The following BACH2 variants were observed in gnomAD, a reference collection of about 807,000 sequenced individuals.
The protein encoded by BACH2 is BACH transcriptional regulator 2.
A neutral mutation model predicts 61.8 loss-of-function variants in BACH2; 5 were observed. That is an observed-to-expected ratio of 0.08 (90% CI 0.04 to 0.17). The LOEUF is 0.17. Ranked by LOEUF, BACH2 falls within the 10% of genes least tolerant of loss-of-function variation. The pLI, the probability that BACH2 is intolerant of heterozygous loss-of-function variation, is 1.00. For missense variants in BACH2, 824 were observed against 1,091.1 expected, an observed-to-expected ratio of 0.76 and a Z score of 3.45; for synonymous variants, 446 against 440.1, an observed-to-expected ratio of 1.01 and a Z score of -0.17.
At chr6:90,194,000 C>T (rs894912572) in intron 4 of BACH2, among the ~76,000 whole-genome samples, 15 of 152,078 alleles carry the variant, frequency 9.9e-5, no homozygotes, top group Non-Finnish European at 2.2e-4. Flanking sequence ...AGAATTTCCT[C>T]AAGAATATTA....
At chr6:90,218,312 G>A (rs186652701) in intron 3 of BACH2, 72 of 152,246 alleles carry the variant, frequency 4.7e-4, no homozygotes, top group African/African-American at 1.5e-3. Flanking sequence ...GAGGCAAGCT[G>A]CTGGAGGCGC....
intron 4 of BACH2, among the ~76,000 whole-genome samples, chr6:90,125,583 G>T (rs2127821366): frequency 6.6e-6 from 1 of 152,300 alleles, no homozygotes; most frequent in East Asian, 1.9e-4. Context: ...CCTTTTCACT[G>T]GGTGTAAAAC....
intron 4 of BACH2, among the ~76,000 whole-genome samples, chr6:90,159,416 T>C (rs1785111565): frequency 6.6e-6 from 1 of 152,190 alleles, no homozygotes; most frequent in Non-Finnish European, 1.5e-5. Context: ...CAAAACATCC[T>C]AAAAGTAAAA....
At chr6:90,047,442 C>T (rs1346658941) in intron 5 of BACH2, among the ~76,000 whole-genome samples, 5 of 152,190 alleles carry the variant, frequency 3.3e-5, no homozygotes, top group East Asian at 3.9e-4. Context: ...AAATGCTTCT[C>T]CACAGATGCC....
chr6:90,175,085 G>A (rs1767943034), intron 4 of BACH2, among the ~76,000 whole-genome samples: 1 of 152,006 alleles, frequency 6.6e-6, no homozygotes, highest in South Asian at 2.1e-4. Flanking sequence ...ATCCTTTAAA[G>A]TGTATCTACA....
chr6:90,162,682 C>T (rs1306353363), intron 4 of BACH2, among the ~76,000 whole-genome samples: 1 of 152,056 alleles, frequency 6.6e-6, no homozygotes, highest in African/African-American at 2.4e-5. Flanking sequence ...AATTCAGACA[C>T]CAGAGATTTG....
Position 90,103,029 on chromosome 6 carries a change from A to ATATTTTTTTTT in BACH2, c.-161-13921_-161-13920insAAAAAAAAATA. 5.3e-3 allele frequency among the ~76,000 whole-genome samples: 112 copies of ATATTTTTTTTT among 21,162 alleles called. 1 individual carries two copies. Among genetic ancestry groups the ATATTTTTTTTT allele is most frequent in the Non-Finnish European group, 7.9e-3 (99 of 12,538 alleles). 13.9% of individuals were successfully genotyped at this position (21,162 alleles called of 152,430 possible). ...TACATATATATATATATATATATAT[A>ATATTTTTTTTT]TTTTTTTTTTTTTTTTTTTTTTACC... On this transcript the variant is annotated intron_variant, in intron 4 of 8. Transcript: ENST00000257749.
chr6:90,028,782 T>C (rs568578800), intron 5 of BACH2, among the ~76,000 whole-genome samples: 1 of 152,202 alleles, frequency 6.6e-6, no homozygotes, highest in Non-Finnish European at 1.5e-5. Context: ...GGTGCCAGCC[T>C]ACCTGGCTTT....
At chr6:90,285,727 C>T (rs538475548) in intron 1 of BACH2, among the ~76,000 whole-genome samples, 1 of 152,298 alleles carries the variant, frequency 6.6e-6, no homozygotes, top group African/African-American at 2.4e-5. Context: ...CAGTAGCTAA[C>T]CAGCCCAGCA....
chr6:90,233,993 A>G (rs1770182652), intron 3 of BACH2, among the ~76,000 whole-genome samples: 1 of 152,164 alleles, frequency 6.6e-6, no homozygotes, highest in South Asian at 2.1e-4. Context: ...TTTTCCTGTT[A>G]GTCTGAAGAG....
At chr6:89,990,427 G>A (rs1159139426) in intron 6 of BACH2, among the ~76,000 whole-genome samples, 1 of 151,942 alleles carries the variant, frequency 6.6e-6, no homozygotes, top group African/African-American at 2.4e-5. Context: ...ATGGCTGCTG[G>A]TCACCTACTC....
At chr6:90,029,806 C>T (rs1223805393) in intron 5 of BACH2, among the ~76,000 whole-genome samples, 2 of 152,168 alleles carry the variant, frequency 1.3e-5, no homozygotes, top group African/African-American at 2.4e-5. Flanking sequence ...GCCTCAAGGT[C>T]GCCTTGCCTA....
chr6:90,170,994 T>C, intron 4 of BACH2, among the ~76,000 whole-genome samples: 1 of 150,208 alleles, frequency 6.7e-6, no homozygotes, highest in South Asian at 2.1e-4. Flanking sequence ...TCAAAGCCAA[T>C]ACCCTTGAAA....
chr6:90,158,768 G>GT, intron 4 of BACH2, among the ~76,000 whole-genome samples: 1 of 150,770 alleles, frequency 6.6e-6, no homozygotes, highest in Non-Finnish European at 1.5e-5. Flanking sequence ...CTTTTGGTGG[G>GT]GGGGGGGCAC....
chr6:90,184,794 A>G (rs1223893876), intron 4 of BACH2, among the ~76,000 whole-genome samples: 1 of 152,168 alleles, frequency 6.6e-6, no homozygotes, highest in African/African-American at 2.4e-5. Context: ...AGGAGGACAA[A>G]CTCAAGCAGT....
At chr6:90,000,982 T>TC (rs895190498) in intron 6 of BACH2, among the ~76,000 whole-genome samples, 3 of 152,184 alleles carry the variant, frequency 2.0e-5, no homozygotes, top group African/African-American at 7.2e-5. Context: ...CAGGATTTTT[T>TC]CTCTCTTCCT....
intron 1 of BACH2, among the ~76,000 whole-genome samples, chr6:90,275,807 C>A (rs1771672729): frequency 6.6e-6 from 1 of 151,986 alleles, no homozygotes; most frequent in African/African-American, 2.4e-5. Flanking sequence ...GAAACCCAGT[C>A]TCTACAAAAA....
chr6:90,124,499 G>GAC (rs1284481972), intron 4 of BACH2, among the ~76,000 whole-genome samples: 3 of 152,162 alleles, frequency 2.0e-5, no homozygotes, highest in African/African-American at 7.2e-5. Flanking sequence ...TTCGGGCCCT[G>GAC]ACACAGCAGG....
intron 1 of BACH2, among the ~76,000 whole-genome samples, chr6:90,273,308 C>T (rs924556565): frequency 5.3e-5 from 8 of 152,044 alleles, no homozygotes; most frequent in Non-Finnish European, 7.4e-5. Flanking sequence ...CCATGAGCTA[C>T]GATCATACCA....
Sources: allele counts gnomAD v4.1 joint callset (sites outside exome capture counted in the v4.1 genomes callset), GRCh38; gene constraint gnomAD v4.1.1; transcripts MANE v1.5; gene names NCBI Gene and HGNC (gene_info 2026-07-23, HGNC 2026-07-21).